The following LARGE1 variants were observed in gnomAD, a reference collection of about 807,000 sequenced individuals.
The protein encoded by LARGE1 is LARGE xylosyl- and glucuronyltransferase 1.
LARGE1 carries 43 observed loss-of-function variants against 87.6 expected under a neutral mutation model. The ratio of observed to expected loss-of-function variants is 0.49; its 90% CI spans 0.38 to 0.63. LARGE1 has a LOEUF of 0.63. Among genes scored for constraint, LARGE1 ranks in the 30% least tolerant of loss-of-function variants. The pLI is 0.00. For synonymous variants in LARGE1, 434 were observed against 394.6 expected (o/e 1.10, Z -1.18); for missense variants, 802 against 1,000.2 (o/e 0.80, Z 2.67).
intron 2 of LARGE1, among the ~76,000 whole-genome samples, chr22:33,684,212 G>A (rs1326505244): frequency 6.6e-6 from 1 of 152,120 alleles, no homozygotes; most frequent in Non-Finnish European, 1.5e-5. Flanking sequence ...ACACTGTTGT[G>A]TGACTGGAAT....
At chr22:33,387,304 G>A (rs1211735517) in intron 7 of LARGE1, among the ~76,000 whole-genome samples, 2 of 124,422 alleles carry the variant, frequency 1.6e-5, no homozygotes, top group African/African-American at 5.4e-5. Context: ...GTGCACGCCT[G>A]TAGTCCCAGC....
chr22:33,698,762 C>T (rs980601293), intron 2 of LARGE1, among the ~76,000 whole-genome samples: 5 of 152,318 alleles, frequency 3.3e-5, no homozygotes, highest in Middle Eastern at 3.4e-3. Flanking sequence ...ACTCCTGCCA[C>T]GGGAACTTCA....
chr22:33,477,341 CTCTT>C (rs2069124182), intron 6 of LARGE1, among the ~76,000 whole-genome samples: 1 of 152,176 alleles, frequency 6.6e-6, no homozygotes, highest in East Asian at 1.9e-4. Context: ...CTCTAAAGAA[CTCTT>C]TGTTAAAAGT....
At chr22:33,115,256 G>A in the LARGE1 span, among the ~76,000 whole-genome samples, 1 of 152,082 alleles carries the variant, frequency 6.6e-6, no homozygotes, top group Non-Finnish European at 1.5e-5. Flanking sequence ...GACATGAGAA[G>A]TGGGGGATAT....
chr22:33,257,301 G>A (rs1927349406), intron 11 of LARGE1, among the ~76,000 whole-genome samples: 1 of 152,184 alleles, frequency 6.6e-6, no homozygotes, highest in Admixed American at 6.5e-5. Context: ...GGGAGGTGGA[G>A]GTGGGTGGAT....
At chr22:33,425,983 T>C (rs1449163198) in intron 7 of LARGE1, among the ~76,000 whole-genome samples, 3 of 152,158 alleles carry the variant, frequency 2.0e-5, no homozygotes, top group Non-Finnish European at 4.4e-5. Flanking sequence ...CCTGACCTTG[T>C]GATCCACCCG....
At chr22:33,891,280 T>A (rs555888731) in intron 1 of LARGE1, among the ~76,000 whole-genome samples, 1 of 152,366 alleles carries the variant, frequency 6.6e-6, no homozygotes, top group African/African-American at 2.4e-5. Flanking sequence ...TTGTTTTATA[T>A]GAATTAGTCC....
chr22:33,331,987 G>A (rs773807283), intron 10 of LARGE1, among the ~76,000 whole-genome samples: 16 of 151,962 alleles, frequency 1.1e-4, no homozygotes, highest in Admixed American at 2.0e-4. Flanking sequence ...GGCACTAACC[G>A]CACTACTTAA....
intron 3 of LARGE1, among the ~76,000 whole-genome samples, chr22:33,644,131 T>A: frequency 6.6e-6 from 1 of 152,106 alleles, no homozygotes; most frequent in East Asian, 1.9e-4. Context: ...CAGGCCAATA[T>A]CCCTGATGAA....
chr22:33,560,039 C>G (rs1267692457), intron 6 of LARGE1, among the ~76,000 whole-genome samples: 1 of 152,148 alleles, frequency 6.6e-6, no homozygotes, highest in Non-Finnish European at 1.5e-5. Flanking sequence ...TCTTACTCCT[C>G]TTCAAGGGAA....
At chr22:33,278,444 T>C (rs2145842411) in intron 13 of LARGE1, among the ~76,000 whole-genome samples, 1 of 152,294 alleles carries the variant, frequency 6.6e-6, no homozygotes, top group Middle Eastern at 3.4e-3. Flanking sequence ...TTTGTGGTAA[T>C]TTGTTATACA....
chr22:33,435,409 C>T (rs1213673758), intron 6 of LARGE1, among the ~76,000 whole-genome samples: 1 of 152,160 alleles, frequency 6.6e-6, no homozygotes, highest in African/African-American at 2.4e-5. Flanking sequence ...CTGCATTATT[C>T]CAAGGGCAAG....
intron 2 of LARGE1, among the ~76,000 whole-genome samples, chr22:33,708,222 A>G (rs569281159): frequency 7.0e-6 from 1 of 142,898 alleles, no homozygotes; most frequent in Admixed American, 6.9e-5. Context: ...AGAAGTTAGG[A>G]GTTGCTGATA....
At chr22:33,074,341 T>G in the LARGE1 span, among the ~76,000 whole-genome samples, 1 of 152,140 alleles carries the variant, frequency 6.6e-6, no homozygotes, top group Non-Finnish European at 1.5e-5. Flanking sequence ...TGAGTCATGA[T>G]TTGAGCAAGG....
the LARGE1 span, among the ~76,000 whole-genome samples, chr22:33,128,705 A>AAAAAG: frequency 1.1e-4 from 14 of 132,438 alleles, no homozygotes; most frequent in Middle Eastern, 3.8e-3. Context: ...AAAGAAAAAG[A>AAAAAG]AAAAGAAAAG....
chr22:33,859,249 C>T (rs909209033), intron 1 of LARGE1, among the ~76,000 whole-genome samples: 4 of 152,140 alleles, frequency 2.6e-5, no homozygotes, highest in Non-Finnish European at 4.4e-5. Context: ...AAACCTGTAT[C>T]ATGATAATAA....
intron 2 of LARGE1, 88 bp from the exon 3 acceptor site, chr22:33,650,756 G>A: frequency 1.1e-5 from 16 of 1,451,014 alleles, no homozygotes; most frequent in Non-Finnish European, 1.5e-5. Flanking sequence ...TTACTACATG[G>A]CGAGGCTCCT....
At chr22:33,670,842 C>T (rs956625022) in intron 2 of LARGE1, among the ~76,000 whole-genome samples, 4 of 152,078 alleles carry the variant, frequency 2.6e-5, no homozygotes, top group African/African-American at 9.7e-5. Context: ...GGTATTTTTC[C>T]CTTCAATTTA....
At chr22:33,309,555 A>G (rs533947093) in intron 11 of LARGE1, among the ~76,000 whole-genome samples, 3 of 152,198 alleles carry the variant, frequency 2.0e-5, no homozygotes, top group Admixed American at 6.5e-5. Context: ...TGAGCCAGGA[A>G]GTGCCCCCTC....
Sources: gnomAD v4.1 joint callset for allele counts (sites outside exome capture counted in the v4.1 genomes callset) on GRCh38, gnomAD v4.1.1 for gene constraint, MANE v1.5 for transcripts, NCBI Gene and HGNC (gene_info 2026-07-23, HGNC 2026-07-21) for gene names.